Variants in IMPDH1 observed in about 807,000 individuals in gnomAD.
The protein encoded by IMPDH1 is inosine-5'-monophosphate dehydrogenase 1.
A neutral mutation model predicts 73.5 loss-of-function variants in IMPDH1; 41 were observed. The ratio of observed to expected loss-of-function variants is 0.56; its 90% CI spans 0.43 to 0.72. The LOEUF (loss-of-function observed/expected upper bound fraction) is 0.72, where lower values mean the gene tolerates loss of function less well. Among genes scored for constraint, IMPDH1 ranks in the 30% least tolerant of loss-of-function variants. The probability of loss-of-function intolerance (pLI) is 0.00; values close to 1 mark genes in which losing one functional copy is unlikely to be tolerated. For missense variants in IMPDH1, 645 were observed against 824.8 expected, an observed-to-expected ratio of 0.78 and a Z score of 2.67; for synonymous variants, 318 against 334.3, an observed-to-expected ratio of 0.95 and a Z score of 0.53.
In IMPDH1 at chr7:128,395,113, A is replaced by G; in HGVS notation, c.1405+18T>C. 1 of 1,613,932 alleles carries G rather than the reference A, an allele frequency of 6.2e-7. No individual in the cohort carries two copies. The highest frequency in any genetic ancestry group is 8.5e-7 in the Non-Finnish European group (1 of 1,180,016). On this transcript the variant is annotated intron_variant, in intron 13 of 16. Coordinates refer to ENST00000338791, the MANE Select transcript of IMPDH1 (RefSeq NM_000883.4). ...TCCAGCCCTCGCCTGCCCAATCCCC[A>G]GCACATTCTCCCCTCACCTGTGGAG...
chr7:128,395,237 G>GGGCA lies in IMPDH1; in HGVS notation c.1298_1299insTGCC (p.Lys434AlafsTer5). 2 of 1,613,770 alleles carry GGGCA rather than the reference G, an allele frequency of 1.2e-6. No individual in the cohort carries two copies. Among genetic ancestry groups the GGGCA allele is most frequent in the Non-Finnish European group, 1.7e-6 (2 of 1,180,046 alleles). On this transcript the variant is annotated frameshift_variant, in exon 13 of 17. Transcript: ENST00000338791. LOFTEE classifies it high-confidence loss of function. Reference sequence around the variant, plus strand: ...AGCGCCGGGCATACTCAGCCACCTTGTACACAGCAGTGCCCTGGGGCCGAC... The same window carrying GGGCA: ...AGCGCCGGGCATACTCAGCCACCTTGGGCATACACAGCAGTGCCCTGGGGCCGAC...
chr7:128,405,927 T>C lies in IMPDH1; in HGVS notation c.255-62A>G, dbSNP rs569599357. ...CGCGGCCGCCCGCCGCTGCCGCCGC[T>C]GCTGCTGCTGCTACTGCTGACGCCG... On this transcript the variant is annotated intron_variant, in intron 3 of 16. Coordinates refer to ENST00000338791, the MANE Select transcript of IMPDH1 (RefSeq NM_000883.4). 90 of 1,408,180 alleles carry C rather than the reference T, an allele frequency of 6.4e-5. No individual in the cohort carries two copies. The Admixed American group carries it at 6.6e-4, about 10-fold the overall frequency. The allele number at this position is 1,408,180 out of a possible 1,614,324, so 87.2% of individuals were successfully genotyped here.
chr7:128,399,007 C>T (rs539107701), intron 9 of IMPDH1, among the ~76,000 whole-genome samples: 1 of 152,320 alleles, frequency 6.6e-6, no homozygotes, highest in African/African-American at 2.4e-5. Flanking sequence ...CAGTATGGAC[C>T]AGGGAAGCAT....
Position 128,394,475 on chromosome 7 carries a change from G to A in IMPDH1, c.1675C>T (p.Arg559Cys), listed in dbSNP as rs777346676. ...IQHGCQDIGA[R>C]SLSVLRSMMY... ...ACTCACCGAAGGACAGACAGGCTGC[G>A]GGCCCCGATATCCTGGCAGCCGTGT... The change falls in exon 15 of 17, where the codon CGC becomes TGC. Residue 559 changes from arginine to cysteine, a missense_variant. Coordinates refer to ENST00000338791, the MANE Select transcript of IMPDH1 (RefSeq NM_000883.4). This position sits in a 1 kb window ranked among gnomAD's most constrained non-coding sequence, Gnocchi z 5.5. 2.0e-5 allele frequency: 33 copies of A among 1,613,938 alleles called. No individual in the cohort carries two copies. The highest frequency in any genetic ancestry group is 1.6e-4 in the Middle Eastern group (1 of 6,084).
intron 12 of IMPDH1, 132 bp from the exon 13 acceptor site, chr7:128,395,406 C>CT: frequency 9.1e-7 from 1 of 1,094,028 alleles, no homozygotes; most frequent in Non-Finnish European, 1.3e-6. Context: ...GATGGTGTGT[C>CT]TGAGGCATAA....
rs1403211839 is a variant in IMPDH1 at position 128,394,563 on chromosome 7, C to G, written c.1587G>C (p.Ser529=). 6.2e-7 allele frequency: 1 copy of G among 1,613,810 alleles called. No individual in the cohort carries two copies. Among genetic ancestry groups the G allele is most frequent in the African/African-American group, 1.3e-5 (1 of 74,972 alleles). ...GDKVKIAQGV[S]GSIQDKGSIQ... ...TGGATCCTTTGTCCTGGATGGAGCC[C>G]GAGACACCCTGCGCGATCTTCACTT... Residue 529 remains serine, a synonymous_variant, in exon 15 of 17, where the codon TCG becomes TCC. Coordinates refer to ENST00000338791, the MANE Select transcript of IMPDH1 (RefSeq NM_000883.4). The surrounding 1 kb of genome is among the most constrained non-coding windows in gnomAD (Gnocchi z 5.5).
At chr7:128,407,371 G>A (rs1798843661) in intron 3 of IMPDH1, among the ~76,000 whole-genome samples, 2 of 152,230 alleles carry the variant, frequency 1.3e-5, no homozygotes, top group Non-Finnish European at 2.9e-5. Flanking sequence ...TCTGTGTGCA[G>A]AGGGGAGGCT....
Position 128,409,973 on chromosome 7 carries a change from C to T in IMPDH1, c.-72G>A, listed in dbSNP as rs1295981619. 7.1e-6 allele frequency: 9 copies of T among 1,260,424 alleles called. No individual in the cohort carries two copies. The highest frequency in any genetic ancestry group is 9.0e-6 in the Non-Finnish European group (9 of 995,818). 78.1% of individuals were successfully genotyped at this position (1,260,424 alleles called of 1,614,324 possible). On this transcript the variant is annotated 5_prime_UTR_variant, in exon 1 of 17. Transcript: ENST00000338791. ...GCCCCGGCTGGGCAGTGAGCGCAGC[C>T]CGGTCGAGTCCCGAGGAGGGGCGGG...
chr7:128,404,930 T>A (rs144867660), intron 4 of IMPDH1, among the ~76,000 whole-genome samples: 17 of 152,316 alleles, frequency 1.1e-4, no homozygotes, highest in Non-Finnish European at 2.2e-4. Context: ...TGACTGGGTA[T>A]CCTGGTGTTT....
intron 4 of IMPDH1, among the ~76,000 whole-genome samples, chr7:128,404,839 G>C (rs1193967221): frequency 6.6e-6 from 1 of 152,200 alleles, no homozygotes; most frequent in Non-Finnish European, 1.5e-5. Flanking sequence ...AGAAATGCTG[G>C]AGTCTGGGCC....
rs148474921 is a variant in IMPDH1 at position 128,409,465 on chromosome 7, T to C, written c.166A>G (p.Thr56Ala). 135 of 1,614,078 alleles carry C rather than the reference T, an allele frequency of 8.4e-5. No individual in the cohort carries two copies. The highest frequency in any genetic ancestry group is 9.2e-5 in the Non-Finnish European group (109 of 1,180,028). The change falls in exon 2 of 17, where the codon ACA (threonine) becomes GCA (alanine). Residue 56 changes from threonine to alanine, a missense_variant. By Grantham distance (58) the Thr-to-Ala change is moderately conservative. Around this residue, in one of 2 missense-constraint regions of IMPDH1, gnomAD observed 186 missense variants for 186.6 expected, o/e 1.00. Transcript: ENST00000338791. ...EPESPRLDLA[T>A]HPTTPRSELS... ...CCTGAACGGGGTGTCGTCGGGTGTG[T>C]AGCGAGGTCCAATCTAGGGCTAAGA... is the stretch of plus-strand genomic sequence containing the variant.
At chr7:128,402,934 C>T (rs1203869568) in intron 5 of IMPDH1, among the ~76,000 whole-genome samples, 2 of 152,232 alleles carry the variant, frequency 1.3e-5, no homozygotes, top group African/African-American at 4.8e-5. Context: ...AGTTCTTGTA[C>T]ATTGTGGATC....
intron 16 of IMPDH1, 118 bp from the exon 17 acceptor site, chr7:128,393,146 G>A: frequency 8.7e-7 from 1 of 1,144,898 alleles, no homozygotes. Flanking sequence ...GAAGCCCTGA[G>A]ATCTCAGCCG....
At chr7:128,401,259 G>C in intron 5 of IMPDH1, 143 bp from the exon 6 acceptor site, 1 of 700,538 alleles carries the variant, frequency 1.4e-6, no homozygotes, top group Non-Finnish European at 2.6e-6. Flanking sequence ...TCATCTAATG[G>C]AGCTTATGTT....
chr7:128,405,934 G>GCTGCTA lies in IMPDH1; in HGVS notation c.255-75_255-70dup, dbSNP rs1798710565. 5.1e-6 allele frequency: 7 copies of GCTGCTA among 1,378,360 alleles called. No individual in the cohort carries two copies. In the African/African-American group the frequency reaches 6.2e-5, roughly 12 times the overall value. 85.4% of individuals were successfully genotyped at this position (1,378,360 alleles called of 1,614,324 possible). A position where few individuals can be genotyped will look rare whatever the true frequency, so the allele number is the denominator to read the frequency against. ...GCCCGCCGCTGCCGCCGCTGCTGCT[G>GCTGCTA]CTGCTACTGCTGACGCCGCGCCGCG... On this transcript the variant is annotated intron_variant, in intron 3 of 16. Transcript: ENST00000338791.
At chr7:128,399,984 C>T in intron 9 of IMPDH1, 111 bp downstream of exon 9, 2 of 886,220 alleles carry the variant, frequency 2.3e-6, no homozygotes, top group South Asian at 1.3e-5. Flanking sequence ...TTCGAACCTT[C>T]CCCAGGGCTC....
chr7:128,399,250 C>A (rs1048060510), intron 9 of IMPDH1, among the ~76,000 whole-genome samples: 1 of 151,072 alleles, frequency 6.6e-6, no homozygotes. Flanking sequence ...CCTGTTGTCC[C>A]AACTACTCGG....
chr7:128,393,940 G>A (rs1056271950), intron 16 of IMPDH1, among the ~76,000 whole-genome samples: 1 of 152,104 alleles, frequency 6.6e-6, no homozygotes, highest in African/African-American at 2.4e-5. Context: ...CGCATCTTCT[G>A]CCTGGCTGCC....
At chr7:128,393,731 A>G in intron 16 of IMPDH1, 1 of 207,790 alleles carries the variant, frequency 4.8e-6, no homozygotes, top group Non-Finnish European at 9.9e-6. Context: ...CACGGCAGAA[A>G]GGTATAGCTA....
Sources: allele counts gnomAD v4.1 joint callset (sites outside exome capture counted in the v4.1 genomes callset), GRCh38; gene constraint gnomAD v4.1.1; regional missense constraint gnomAD v4.1.1; non-coding constraint Gnocchi (gnomAD v3.1); transcripts MANE v1.5; gene names NCBI Gene and HGNC (gene_info 2026-07-23, HGNC 2026-07-21).